Variants in NDST4 observed in about 807,000 individuals in gnomAD.
The protein encoded by NDST4 is N-deacetylase and N-sulfotransferase 4.
NDST4 carries 63 observed loss-of-function variants against 100.8 expected under a neutral mutation model. That is an observed-to-expected ratio of 0.62 (90% CI 0.51 to 0.77). NDST4 has a LOEUF of 0.77. Ranked by LOEUF, NDST4 falls within the 30% of genes least tolerant of loss-of-function variation. The pLI is 0.00. For synonymous variants in NDST4, 377 were observed against 361.8 expected, an observed-to-expected ratio of 1.04 and a Z score of -0.48; for missense variants, 943 against 1,018.4, an observed-to-expected ratio of 0.93 and a Z score of 1.01.
At chr4:115,033,765 G>A (rs1253798672) in intron 2 of NDST4, among the ~76,000 whole-genome samples, 2 of 151,300 alleles carry the variant, frequency 1.3e-5, no homozygotes, top group African/African-American at 2.4e-5. Flanking sequence ...TTTGAACGAT[G>A]TTTATCAAGC....
intron 8 of NDST4, among the ~76,000 whole-genome samples, 190 bp from the exon 9 acceptor site, chr4:114,848,528 C>G (rs1723604480): frequency 6.6e-6 from 1 of 152,174 alleles, no homozygotes; most frequent in South Asian, 2.1e-4. Flanking sequence ...CTTCATGATT[C>G]TATTGATCAG....
intron 2 of NDST4, among the ~76,000 whole-genome samples, chr4:115,024,964 TTC>T (rs1727950202): frequency 6.6e-6 from 1 of 152,170 alleles, no homozygotes; most frequent in Non-Finnish European, 1.5e-5. Context: ...GCCCTATTTT[TTC>T]TCTGTTTTGG....
chr4:114,870,235 G>C (rs184250752), intron 7 of NDST4, among the ~76,000 whole-genome samples: 3 of 152,110 alleles, frequency 2.0e-5, no homozygotes, highest in African/African-American at 7.2e-5. Context: ...TTTTTCAGTA[G>C]GTCTAATATT....
intron 4 of NDST4, among the ~76,000 whole-genome samples, chr4:114,953,032 CT>C (rs546149508): frequency 1.3e-3 from 158 of 123,296 alleles, no homozygotes; most frequent in African/African-American, 2.0e-3. Context: ...TTTTTTTTTT[CT>C]TTTTTTTTTT....
In NDST4 at chr4:114,829,830, C is replaced by G. The variant is rs867248758; in HGVS notation, c.2459G>C (p.Gly820Ala). 15 of 1,611,702 alleles carry G rather than the reference C, an allele frequency of 9.3e-6. No individual in the cohort carries two copies. The highest frequency in any genetic ancestry group is 1.3e-5 in the Non-Finnish European group (15 of 1,179,372). Residue 820 changes from glycine to alanine, a missense_variant, in exon 13 of 14, where the codon GGA (glycine) becomes GCA (alanine). This residue lies in a region of NDST4 where 526 missense variants were observed against 634.1 expected (regional missense o/e 0.83). Transcript: ENST00000264363. ...TGGATATTTTCGGCCTTTGCTTTTT[C>G]CAAGGCATTTTGTCTTTCCTCCTTC... ...LLEGGKTKCL[G>A]KSKGRKYPPM...
intron 2 of NDST4, among the ~76,000 whole-genome samples, chr4:115,064,041 A>G (rs1728880140): frequency 6.6e-6 from 1 of 152,060 alleles, no homozygotes; most frequent in Non-Finnish European, 1.5e-5. Flanking sequence ...ATCCATTACT[A>G]TGTAGCTTGT....
chr4:115,043,408 T>C, intron 2 of NDST4, among the ~76,000 whole-genome samples: 1 of 152,110 alleles, frequency 6.6e-6, no homozygotes, highest in East Asian at 1.9e-4. Context: ...TTTATCCAGC[T>C]CATTGGCAAT....
At chr4:115,105,298 T>C (rs987275952) in intron 1 of NDST4, among the ~76,000 whole-genome samples, 3 of 152,188 alleles carry the variant, frequency 2.0e-5, no homozygotes, top group East Asian at 1.9e-4. Flanking sequence ...TGACATGTTA[T>C]CTTTCTTGGA....
chr4:114,945,037 C>A (rs1578405360), intron 4 of NDST4, among the ~76,000 whole-genome samples: 1 of 151,860 alleles, frequency 6.6e-6, no homozygotes, highest in East Asian at 1.9e-4. Flanking sequence ...TGGAGAAACC[C>A]TGTCTCTACT....
At chr4:115,110,422 A>G (rs1241797080) in intron 1 of NDST4, among the ~76,000 whole-genome samples, 1 of 151,958 alleles carries the variant, frequency 6.6e-6, no homozygotes, top group Admixed American at 6.6e-5. Flanking sequence ...AACAGACAAC[A>G]TGGTTTCTCT....
intron 6 of NDST4, among the ~76,000 whole-genome samples, chr4:114,931,824 C>T (rs138878036): frequency 9.4e-4 from 143 of 151,378 alleles, no homozygotes; most frequent in African/African-American, 3.4e-3. Flanking sequence ...AGACCAATAA[C>T]GAGTAAAGAG....
rs1285595679 is a variant in NDST4, at chr4:114,915,798, T to G, written c.1536+19408A>C. The stretch of plus-strand genomic sequence containing the variant: ...TGATTATAGAAGCAATGAGCTGAAG[T>G]TGCTTATTAAACAGAAAAGAAGAAG... On this transcript the variant is annotated intron_variant, in intron 6 of 13. Transcript: ENST00000264363. Among the ~76,000 whole-genome samples, 4 of 151,694 alleles carry G rather than the reference T, an allele frequency of 2.6e-5. No individual in the cohort carries two copies. In the East Asian group the frequency reaches 7.7e-4, roughly 29 times the overall value.
In NDST4 at chr4:114,845,868, G is replaced by T; in HGVS notation, c.2070C>A (p.Ile690=). The T allele has an allele frequency of 1.2e-6, 2 of 1,614,114 alleles. No homozygotes were observed. The change falls in exon 10 of 14, where the codon ATC becomes ATA. Residue 690 remains isoleucine (I), a synonymous_variant. Coordinates refer to ENST00000264363, the MANE Select transcript of NDST4 (RefSeq NM_022569.3). Reference sequence around the variant, plus strand: ...TGTCTGAGGGGTCAATGAGGATGGTGATGATCTTGGCTTTGGGGACAAGAG... The same window carrying T: ...TGTCTGAGGGGTCAATGAGGATGGTTATGATCTTGGCTTTGGGGACAAGAG... ...AASLVPKAKI[I]TILIDPSDRA... is the part of the protein sequence containing the mutation.
chr4:114,937,528 A>C, intron 4 of NDST4, 25 bp from the exon 5 acceptor site: 2 of 1,519,708 alleles, frequency 1.3e-6, no homozygotes, highest in Non-Finnish European at 1.8e-6. Context: ...GAACAACATC[A>C]TGATGGGACA....
intron 1 of NDST4, among the ~76,000 whole-genome samples, chr4:115,083,051 A>C (rs1399904462): frequency 6.6e-6 from 1 of 152,156 alleles, no homozygotes; most frequent in Non-Finnish European, 1.5e-5. Context: ...AAACTATTTT[A>C]TTATATACCT....
intron 3 of NDST4, among the ~76,000 whole-genome samples, chr4:114,974,881 G>A (rs1409532740): frequency 2.0e-5 from 3 of 152,086 alleles, no homozygotes; most frequent in Middle Eastern, 3.2e-3. Flanking sequence ...GGGCCTATGT[G>A]ATTAAATGTC....
intron 11 of NDST4, among the ~76,000 whole-genome samples, chr4:114,836,789 A>G (rs188567322): frequency 1.3e-5 from 2 of 152,230 alleles, no homozygotes; most frequent in East Asian, 1.9e-4. Context: ...ACATAGTCCC[A>G]TATTTCTTGG....
chr4:114,981,517 C>G (rs915530416), intron 2 of NDST4, among the ~76,000 whole-genome samples: 3 of 152,082 alleles, frequency 2.0e-5, no homozygotes, highest in Non-Finnish European at 4.4e-5. Flanking sequence ...AAGTTGCCCA[C>G]ATGAAATGAA....
intron 2 of NDST4, among the ~76,000 whole-genome samples, chr4:114,990,117 G>C (rs970371960): frequency 6.6e-6 from 1 of 152,042 alleles, no homozygotes; most frequent in Non-Finnish European, 1.5e-5. Context: ...AAAGATGATA[G>C]AATGAGTAAT....
Sources: allele counts gnomAD v4.1 joint callset (sites outside exome capture counted in the v4.1 genomes callset), GRCh38; gene constraint gnomAD v4.1.1; regional missense constraint gnomAD v4.1.1; transcripts MANE v1.5; gene names NCBI Gene and HGNC (gene_info 2026-07-23, HGNC 2026-07-21).